EPB41L4A: variants seen among roughly 807,000 people sequenced by gnomAD.
EPB41L4A encodes erythrocyte membrane protein band 4.1 like 4A.
In EPB41L4A, 100 loss-of-function variants were observed where a neutral mutation model predicts 108.6. That is an observed-to-expected ratio of 0.92 (90% CI 0.78 to 1.09). The LOEUF is 1.09. Ranked by LOEUF, EPB41L4A falls within the 50% of genes least tolerant of loss-of-function variation. The pLI is 0.00. For missense variants in EPB41L4A, 1,030 were observed against 842.7 expected (o/e 1.22, Z -2.75); for synonymous variants, 319 against 289.0 (o/e 1.10, Z -1.05).
chr5:112,208,870 A>AG (rs1762594450), intron 13 of EPB41L4A, among the ~76,000 whole-genome samples: 1 of 152,218 alleles, frequency 6.6e-6, no homozygotes, highest in Non-Finnish European at 1.5e-5. Flanking sequence ...ATGAAGCTGA[A>AG]TCTCTATCCA....
At chr5:112,218,985 C>T (rs1337461174) in intron 12 of EPB41L4A, among the ~76,000 whole-genome samples, 1 of 152,246 alleles carries the variant, frequency 6.6e-6, no homozygotes, top group East Asian at 1.9e-4. Context: ...TAATAAAATA[C>T]CATACCGATT....
At position 112,165,047 on chromosome 5, in the gene EPB41L4A, T is replaced by A; in HGVS notation, c.2004A>T (p.Lys668Asn). The A allele has an allele frequency of 6.2e-7, 1 of 1,613,994 alleles. No individual in the cohort carries two copies. Among genetic ancestry groups the A allele is most frequent in the Non-Finnish European group, 8.5e-7 (1 of 1,179,926 alleles). The change falls in exon 23 of 23, where the codon AAA becomes AAT. Residue 668 changes from lysine to asparagine, a missense_variant. Coordinates refer to ENST00000261486, the MANE Select transcript of EPB41L4A (RefSeq NM_022140.5). ...TAGTTTTTATTGTTTTTGCTGTGTG[T>A]TTTCCAGCCAGGTTGTTTGTAGATG... ...PQTSTNNLAG[K>N]HTAKTIKTIQ... is the part of the protein sequence containing the mutation.
At chr5:112,299,768 C>T (rs901003410) in intron 2 of EPB41L4A, among the ~76,000 whole-genome samples, 10 of 152,142 alleles carry the variant, frequency 6.6e-5, no homozygotes, top group Admixed American at 5.2e-4. Flanking sequence ...TTGAAGTCCC[C>T]CACTATTACT....
chr5:112,169,130 A>C (rs1760427712), intron 20 of EPB41L4A, 25 bp from the exon 21 acceptor site: 2 of 1,511,256 alleles, frequency 1.3e-6, no homozygotes, highest in African/African-American at 2.7e-5. Flanking sequence ...AAGAAACATG[A>C]AAACAAACAC....
Position 112,266,349 on chromosome 5 carries a change from G to C in EPB41L4A, c.336-19C>G, listed in dbSNP as rs1406268864. 1 of 1,549,358 alleles carries C rather than the reference G, an allele frequency of 6.5e-7. No homozygotes were observed. Among genetic ancestry groups the C allele is most frequent in the Admixed American group, 1.9e-5 (1 of 52,476 alleles). ...CTGATATCTAAAAGAGAAACAAAAA[G>C]AGAGATTAACGATCTCTTACACTAC... On this transcript the variant is annotated intron_variant, in intron 4 of 22. Coordinates refer to ENST00000261486, the MANE Select transcript of EPB41L4A (RefSeq NM_022140.5).
chr5:112,345,458 A>C (rs1185992904), intron 1 of EPB41L4A, among the ~76,000 whole-genome samples: 1 of 152,196 alleles, frequency 6.6e-6, no homozygotes, highest in Non-Finnish European at 1.5e-5. Flanking sequence ...AGTATTCTGT[A>C]AGATCTCTTT....
intron 1 of EPB41L4A, among the ~76,000 whole-genome samples, chr5:112,350,674 C>T (rs1404126479): frequency 1.3e-5 from 2 of 152,192 alleles, no homozygotes; most frequent in African/African-American, 4.8e-5. Flanking sequence ...TAACATTCTA[C>T]TCTCTACTTT....
chr5:112,309,048 C>A (rs181510808), intron 1 of EPB41L4A, among the ~76,000 whole-genome samples: 1 of 152,144 alleles, frequency 6.6e-6, no homozygotes, highest in Admixed American at 6.5e-5. Flanking sequence ...CTCCTAAGTA[C>A]TTCTAAATAC....
At chr5:112,196,327 T>C (rs1337481399) in intron 15 of EPB41L4A, among the ~76,000 whole-genome samples, 1 of 152,216 alleles carries the variant, frequency 6.6e-6, no homozygotes, top group Non-Finnish European at 1.5e-5. Context: ...ATAAGTTACT[T>C]TTCTACTCAG....
At chr5:112,302,859 A>G (rs1754454642) in intron 2 of EPB41L4A, among the ~76,000 whole-genome samples, 2 of 152,200 alleles carry the variant, frequency 1.3e-5, no homozygotes, top group South Asian at 4.1e-4. Context: ...GGGGCCCCCT[A>G]TAGATGCTTC....
At position 112,419,006 on chromosome 5, in the gene EPB41L4A, A is replaced by G. The variant is rs752854944; in HGVS notation, c.34T>C (p.Tyr12His). ...GCFCAVPEEF[Y>H]CEVLLLDESK... The stretch of plus-strand genomic sequence containing the variant: ...TCATCCAGGAGCAAAACTTCGCAGT[A>G]AAATTCTTCCGGAACAGCGCAGAAA... Residue 12 changes from tyrosine (Y) to histidine (H), a missense_variant, in exon 1 of 23, where the codon TAC becomes CAC. Coordinates refer to ENST00000261486, the MANE Select transcript of EPB41L4A (RefSeq NM_022140.5). The G allele has an allele frequency of 6.2e-7, 1 of 1,613,524 alleles. No individual in the cohort carries two copies. Among genetic ancestry groups the G allele is most frequent in the Non-Finnish European group, 8.5e-7 (1 of 1,179,716 alleles).
chr5:112,241,516 T>C (rs1749785069), intron 9 of EPB41L4A, among the ~76,000 whole-genome samples: 3 of 152,292 alleles, frequency 2.0e-5, no homozygotes, highest in African/African-American at 7.2e-5. Context: ...AGGTTCCACA[T>C]ACACAAGTTA....
At chr5:112,276,768 T>C (rs1228180449) in intron 3 of EPB41L4A, among the ~76,000 whole-genome samples, 1 of 152,174 alleles carries the variant, frequency 6.6e-6, no homozygotes, top group Non-Finnish European at 1.5e-5. Context: ...ATATGAACTA[T>C]GTTACTATTT....
intron 13 of EPB41L4A, among the ~76,000 whole-genome samples, chr5:112,207,927 C>T (rs757239948): frequency 1.1e-4 from 17 of 152,224 alleles, no homozygotes; most frequent in Non-Finnish European, 1.6e-4. Flanking sequence ...TGGATATATA[C>T]TCAAAGGGAA....
intron 15 of EPB41L4A, among the ~76,000 whole-genome samples, chr5:112,201,532 C>T (rs1762219100): frequency 6.6e-6 from 1 of 152,148 alleles, no homozygotes; most frequent in African/African-American, 2.4e-5. Flanking sequence ...ATTAAAATGA[C>T]TATCTGCTCA....
At chr5:112,221,429 T>C (rs1479578810) in intron 12 of EPB41L4A, among the ~76,000 whole-genome samples, 1 of 152,248 alleles carries the variant, frequency 6.6e-6, no homozygotes, top group Admixed American at 6.5e-5. Flanking sequence ...TTACCCATTG[T>C]AAATTGATCC....
chr5:112,237,178 T>C (rs529023463), intron 11 of EPB41L4A, among the ~76,000 whole-genome samples: 1 of 152,142 alleles, frequency 6.6e-6, no homozygotes, highest in Non-Finnish European at 1.5e-5. Flanking sequence ...TATAACAAAA[T>C]GTTTAATCAA....
intron 2 of EPB41L4A, among the ~76,000 whole-genome samples, chr5:112,297,824 A>G (rs12519987): frequency 0.045 from 6,859 of 152,234 alleles, 575 homozygotes; most frequent in East Asian, 0.34. Context: ...TGATTTTTGC[A>G]TAAGGCAAGA....
chr5:112,271,113 A>G (rs1032450193), intron 4 of EPB41L4A, among the ~76,000 whole-genome samples: 5 of 152,160 alleles, frequency 3.3e-5, no homozygotes, highest in Non-Finnish European at 7.4e-5. Context: ...GTAACATGGT[A>G]CTCCAGATAG....
Sources: allele counts gnomAD v4.1 joint callset (sites outside exome capture counted in the v4.1 genomes callset), GRCh38; gene constraint gnomAD v4.1.1; transcripts MANE v1.5; gene names NCBI Gene and HGNC (gene_info 2026-07-23, HGNC 2026-07-21).